Variants in MAST4 observed in about 807,000 individuals in gnomAD.
MAST4 encodes the protein microtubule-associated serine/threonine-protein kinase 4.
In MAST4, 89 loss-of-function variants were observed where a neutral mutation model predicts 162.7. The observed-to-expected ratio is 0.55, with a 90% CI of 0.46 to 0.65. MAST4 has a LOEUF of 0.65. Ranked by LOEUF, MAST4 falls within the 30% of genes least tolerant of loss-of-function variation. The probability of loss-of-function intolerance (pLI) is 0.00; values close to 1 mark genes in which losing one functional copy is unlikely to be tolerated. For synonymous variants in MAST4, 1,479 were observed against 1,361.1 expected (o/e 1.09, Z -1.91); for missense variants, 3,153 against 3,374.0 (o/e 0.93, Z 1.62).
chr5:67,060,736 C>T (rs566419370), intron 5 of MAST4, among the ~76,000 whole-genome samples: 16 of 152,212 alleles, frequency 1.1e-4, no homozygotes, highest in Admixed American at 1.0e-3. Context: ...CTCGGCCTCC[C>T]AAAGTAGGGA....
At chr5:66,655,098 A>G (rs1030589487) in intron 1 of MAST4, among the ~76,000 whole-genome samples, 15 of 152,216 alleles carry the variant, frequency 9.9e-5, no homozygotes, top group African/African-American at 2.7e-4. Context: ...CAGCAGCAAC[A>G]TTGTGAAGTA....
rs1371736517 is a variant in MAST4, at chr5:67,141,687, T to A, written c.2495-428T>A. On this transcript the variant is annotated intron_variant, in intron 19 of 28. Transcript: ENST00000403625. ...CCTATAAATAATATTTAGGAAAAATTTATCAATATTCACTTTACCTCCAGA... is the reference window on the plus strand; with the variant it reads ...CCTATAAATAATATTTAGGAAAAATATATCAATATTCACTTTACCTCCAGA... 2.0e-5 allele frequency among the ~76,000 whole-genome samples: 3 copies of A among 152,192 alleles called. No individual in the cohort carries two copies. The East Asian group carries it at 5.8e-4, about 29-fold the overall frequency.
intron 4 of MAST4, among the ~76,000 whole-genome samples, chr5:66,975,115 G>A (rs1315797964): frequency 1.3e-5 from 2 of 152,096 alleles, no homozygotes; most frequent in Admixed American, 1.3e-4. Flanking sequence ...AGGCCAAGGG[G>A]GATTTGGCCC....
chr5:66,624,405 G>A (rs138936608), intron 1 of MAST4, among the ~76,000 whole-genome samples: 144 of 151,874 alleles, frequency 9.5e-4, no homozygotes, highest in African/African-American at 3.1e-3. Context: ...TGCCCGCCTC[G>A]GCCTCCCAAA....
intron 3 of MAST4, among the ~76,000 whole-genome samples, chr5:66,864,700 A>C (rs1760373268): frequency 6.6e-6 from 1 of 150,658 alleles, no homozygotes; most frequent in Non-Finnish European, 1.5e-5. Context: ...TGGGATGAAG[A>C]CACAAGGAGA....
rs115475910 is a variant in MAST4, at chr5:67,143,199, T to C, written c.2730+666T>C. Among the ~76,000 whole-genome samples, 873 of 148,490 alleles carry C rather than the reference T, an allele frequency of 5.9e-3. 12 individuals carry two copies. Among genetic ancestry groups the C allele is most frequent in the African/African-American group, 0.02 (802 of 39,952 alleles). On this transcript the variant is annotated intron_variant, in intron 21 of 28. Coordinates refer to ENST00000403625, the MANE Select transcript of MAST4 (RefSeq NM_001164664.2). ...ACTTAGAGAGGCAGAGGCAAGAAGA[T>C]AGCGTAAGCCCAGCAGTTCAAGACC...
chr5:66,652,057 A>G (rs1293648643), intron 1 of MAST4, among the ~76,000 whole-genome samples: 1 of 152,182 alleles, frequency 6.6e-6, no homozygotes, highest in Non-Finnish European at 1.5e-5. Flanking sequence ...AGGGACATCA[A>G]TCTGAGGAGG....
At chr5:66,865,826 G>A (rs973783584) in intron 3 of MAST4, among the ~76,000 whole-genome samples, 1 of 152,176 alleles carries the variant, frequency 6.6e-6, no homozygotes, top group Non-Finnish European at 1.5e-5. Flanking sequence ...TGTAATCCCA[G>A]CACTTTGGGA....
At chr5:66,931,643 A>G (rs1222790376) in intron 4 of MAST4, among the ~76,000 whole-genome samples, 1 of 152,210 alleles carries the variant, frequency 6.6e-6, no homozygotes, top group African/African-American at 2.4e-5. Flanking sequence ...GGCAATCTAG[A>G]AAGTTTGGAA....
At chr5:66,774,371 A>AG (rs1211313483) in intron 2 of MAST4, among the ~76,000 whole-genome samples, 2 of 152,312 alleles carry the variant, frequency 1.3e-5, no homozygotes, top group African/African-American at 4.8e-5. Context: ...CAGTAAACAA[A>AG]GGGGGGAATA....
chr5:67,146,146 G>C (rs963012466), intron 23 of MAST4, among the ~76,000 whole-genome samples: 7 of 152,238 alleles, frequency 4.6e-5, no homozygotes, highest in Admixed American at 1.3e-4. Flanking sequence ...AAACTCCTGA[G>C]ACATCTTTGC....
intron 4 of MAST4, among the ~76,000 whole-genome samples, chr5:66,926,756 G>A (rs1229142365): frequency 6.6e-6 from 1 of 151,702 alleles, no homozygotes; most frequent in Non-Finnish European, 1.5e-5. Flanking sequence ...CTATATGAAG[G>A]AAAAAAGGAA....
intron 3 of MAST4, among the ~76,000 whole-genome samples, chr5:66,869,435 C>G (rs1181709798): frequency 6.6e-6 from 1 of 152,118 alleles, no homozygotes; most frequent in African/African-American, 2.4e-5. Flanking sequence ...GGTACATTTT[C>G]TAGGTCAGCC....
At chr5:66,675,545 G>A (rs1489846244) in intron 1 of MAST4, among the ~76,000 whole-genome samples, 1 of 152,136 alleles carries the variant, frequency 6.6e-6, no homozygotes, top group African/African-American at 2.4e-5. Context: ...ATAACTGATT[G>A]AGCATCTGAA....
chr5:67,010,776 G>A (rs1439285151), intron 4 of MAST4, among the ~76,000 whole-genome samples: 1 of 152,156 alleles, frequency 6.6e-6, no homozygotes, highest in African/African-American at 2.4e-5. Flanking sequence ...GAGTTGAAGT[G>A]AAGGTGTGTG....
rs193100825 is a variant in MAST4, at chr5:66,637,422, A to G, written c.363+40404A>G. ...ACATCATCCTTTAAAAAAGTAATAT[A>G]ATGTATATTAGTATTTTTCTCATGT... On this transcript the variant is annotated intron_variant, in intron 1 of 28. Coordinates refer to ENST00000403625, the MANE Select transcript of MAST4 (RefSeq NM_001164664.2). 1.1e-3 allele frequency among the ~76,000 whole-genome samples: 173 copies of G among 152,168 alleles called. 1 individual carries two copies. The highest frequency in any genetic ancestry group is 4.0e-3 in the African/African-American group (167 of 41,536).
chr5:66,797,244 G>A (rs27511), intron 3 of MAST4, among the ~76,000 whole-genome samples: 5 of 152,056 alleles, frequency 3.3e-5, no homozygotes, highest in Non-Finnish European at 5.9e-5. Context: ...TTTGTTGGGG[G>A]AAAGATTTTG....
chr5:66,602,784 A>G (rs909538924), intron 1 of MAST4, among the ~76,000 whole-genome samples: 4 of 152,306 alleles, frequency 2.6e-5, no homozygotes, highest in African/African-American at 9.6e-5. Context: ...CTTCTCCTTC[A>G]TTCCTTTAGA....
chr5:66,807,688 C>T (rs1278764611), intron 3 of MAST4, among the ~76,000 whole-genome samples: 1 of 151,894 alleles, frequency 6.6e-6, no homozygotes, highest in Non-Finnish European at 1.5e-5. Context: ...GAGGAATTTG[C>T]ATTCTCATAC....
Sources: gnomAD v4.1 joint callset for allele counts (sites outside exome capture counted in the v4.1 genomes callset) on GRCh38, gnomAD v4.1.1 for gene constraint, MANE v1.5 for transcripts, NCBI Gene and HGNC (gene_info 2026-07-23, HGNC 2026-07-21) for gene names.